PACC1: variants seen among roughly 807,000 people sequenced by gnomAD.
PACC1 encodes proton activated chloride channel 1.
In PACC1, 34 loss-of-function variants were observed where a neutral mutation model predicts 39.7. The observed-to-expected ratio is 0.86, with a 90% CI of 0.65 to 1.14. The LOEUF (loss-of-function observed/expected upper bound fraction) is 1.14. Among genes scored for constraint, PACC1 ranks in the 50% most tolerant of loss-of-function variants. The pLI is 0.00. For missense variants in PACC1, 379 were observed against 436.4 expected, an observed-to-expected ratio of 0.87 and a Z score of 1.17; for synonymous variants, 127 against 160.6, an observed-to-expected ratio of 0.79 and a Z score of 1.58.
chr1:212,393,175 C>T (rs1026595167), intron 2 of PACC1, among the ~76,000 whole-genome samples: 8 of 152,162 alleles, frequency 5.3e-5, no homozygotes, highest in Admixed American at 2.6e-4. Context: ...AAATTGACCA[C>T]ATAGTTGGAA....
chr1:212,414,635 C>T, intron 1 of PACC1, 87 bp downstream of exon 1: 1 of 1,528,860 alleles, frequency 6.5e-7, no homozygotes. Flanking sequence ...CGCGCAGCCC[C>T]GACACCCCCC....
Position 212,410,512 on chromosome 1 carries a change from C to T in PACC1, c.46G>A (p.Glu16Lys), listed in dbSNP as rs1406845234. Residue 16 changes from glutamate to lysine, a missense_variant, in exon 2 of 8, where the codon GAG becomes AAG. Coordinates refer to ENST00000261455, the MANE Select transcript of PACC1 (RefSeq NM_018252.3). ...GAGTTCTCAACCACCTGGACCAACTCCTCACTCAGCTAAAGGGAGAAGCAA... is the reference window on the plus strand; with the variant it reads ...GAGTTCTCAACCACCTGGACCAACTTCTCACTCAGCTAAAGGGAGAAGCAA... ...RSTSYQELSE[E>K]LVQVVENSEL... is the part of the protein sequence containing the mutation. The T allele has an allele frequency of 1.2e-6, 2 of 1,614,132 alleles. No individual in the cohort carries two copies. Among genetic ancestry groups the T allele is most frequent in the Non-Finnish European group, 1.7e-6 (2 of 1,179,962 alleles).
At chr1:212,399,595 G>A (rs1389783683) in intron 2 of PACC1, among the ~76,000 whole-genome samples, 5 of 152,106 alleles carry the variant, frequency 3.3e-5, no homozygotes, top group South Asian at 2.1e-4. Flanking sequence ...AGGCTGGAGC[G>A]CAGTGGCATG....
intron 7 of PACC1, among the ~76,000 whole-genome samples, chr1:212,368,468 G>T (rs2102463988): frequency 6.6e-6 from 1 of 151,930 alleles, no homozygotes; most frequent in South Asian, 2.1e-4. Flanking sequence ...GGAAACTCCA[G>T]GAACTTCAAT....
At position 212,401,622 on chromosome 1, in the gene PACC1, CAAAAAAA is replaced by C. The variant is rs770201392; in HGVS notation, c.133+8796_133+8802del. 4.2e-4 allele frequency among the ~76,000 whole-genome samples: 19 copies of C among 44,918 alleles called. No homozygotes were observed. In the Admixed American group the frequency reaches 5.0e-3, roughly 12 times the overall value. 29.5% of individuals were successfully genotyped at this position (44,918 alleles called of 152,430 possible). ...GCCTGGGCAACAGAGACTCTTGTCT[CAAAAAAA>C]AAAAAAAAAAAAAAAATTTATCCAA... is the stretch of plus-strand genomic sequence containing the variant. On this transcript the variant is annotated intron_variant, in intron 2 of 7. Coordinates refer to ENST00000261455, the MANE Select transcript of PACC1 (RefSeq NM_018252.3).
At position 212,365,191 on chromosome 1, in the gene PACC1, T is replaced by G. The variant is rs1050752074; in HGVS notation, c.*24A>C. ...TGACAGCTCCCATTGATGTGGACAG[T>G]TCTCTAAACAACGCGAGGTGACTTC... On this transcript the variant is annotated 3_prime_UTR_variant, in exon 8 of 8. Coordinates refer to ENST00000261455, the MANE Select transcript of PACC1 (RefSeq NM_018252.3). 3.1e-6 allele frequency: 5 copies of G among 1,608,938 alleles called. No homozygotes were observed. The highest frequency in any genetic ancestry group is 4.5e-5 in the East Asian group (2 of 44,786).
intron 2 of PACC1, among the ~76,000 whole-genome samples, chr1:212,405,177 G>C (rs903759636): frequency 3.2e-4 from 48 of 152,064 alleles, no homozygotes; most frequent in African/African-American, 1.1e-3. Context: ...TCCTAGATGA[G>C]AGGCTCTCTT....
rs114105808 is a variant in PACC1 at position 212,405,134 on chromosome 1, C to T, written c.133+5291G>A. Among the ~76,000 whole-genome samples the T allele has an allele frequency of 6.3e-3, 966 of 152,204 alleles. 11 individuals are homozygous for T. The highest frequency in any genetic ancestry group is 0.031 in the Middle Eastern group (9 of 294). On this transcript the variant is annotated intron_variant, in intron 2 of 7. Transcript: ENST00000261455. ...GCACCTGACTCTACCATTTCTTTGG[C>T]CCTCATTCATTCATTCCAGTTAGCT...
chr1:212,412,564 AG>A (rs1662175646), intron 1 of PACC1, among the ~76,000 whole-genome samples: 2 of 152,232 alleles, frequency 1.3e-5, no homozygotes, highest in Non-Finnish European at 2.9e-5. Context: ...AGTGAGAGAC[AG>A]GGACTCCAGA....
chr1:212,390,655 C>T (rs973944639), intron 2 of PACC1, among the ~76,000 whole-genome samples: 35 of 151,392 alleles, frequency 2.3e-4, no homozygotes, highest in Admixed American at 6.6e-4. Flanking sequence ...TCGCCTCACC[C>T]GGGAAGCAGA....
intron 2 of PACC1, among the ~76,000 whole-genome samples, chr1:212,401,354 G>A (rs1012375336): frequency 6.6e-5 from 10 of 152,022 alleles, no homozygotes; most frequent in East Asian, 1.9e-4. Context: ...AGCTAGGCGC[G>A]GTGGCTCACA....
At chr1:212,380,667 C>T (rs770782271) in intron 4 of PACC1, among the ~76,000 whole-genome samples, 121 of 152,254 alleles carry the variant, frequency 7.9e-4, no homozygotes, top group Non-Finnish European at 1.3e-3. Flanking sequence ...TACTAAATTC[C>T]ATGCAGAACC....
At chr1:212,408,068 CA>C (rs1235923494) in intron 2 of PACC1, among the ~76,000 whole-genome samples, 4 of 132,422 alleles carry the variant, frequency 3.0e-5, no homozygotes, top group Non-Finnish European at 6.3e-5. Flanking sequence ...AGTGAGACTC[CA>C]TCTCAAAAAA....
intron 2 of PACC1, among the ~76,000 whole-genome samples, chr1:212,407,637 AGT>A (rs1661967486): frequency 6.6e-6 from 1 of 151,824 alleles, no homozygotes; most frequent in Non-Finnish European, 1.5e-5. Flanking sequence ...GTTTTGTGTG[AGT>A]GTTTTTGGTT....
intron 2 of PACC1, among the ~76,000 whole-genome samples, chr1:212,405,942 G>A (rs1336470427): frequency 1.3e-5 from 2 of 151,868 alleles, no homozygotes; most frequent in African/African-American, 4.8e-5. Flanking sequence ...AGGAGTTTGA[G>A]ACCAGCCTGG....
chr1:212,382,264 C>T (rs550259464), intron 4 of PACC1, among the ~76,000 whole-genome samples: 10 of 152,088 alleles, frequency 6.6e-5, no homozygotes, highest in Admixed American at 3.9e-4. Context: ...AGGATGGTCT[C>T]GATCTCCTGA....
intron 7 of PACC1, among the ~76,000 whole-genome samples, chr1:212,374,549 A>C (rs1660578750): frequency 6.6e-6 from 1 of 152,228 alleles, no homozygotes; most frequent in African/African-American, 2.4e-5. Context: ...AGCTAGAAGA[A>C]TGTTCCCAAT....
rs1422789254 is a variant in PACC1 at position 212,406,219 on chromosome 1, T to C, written c.133+4206A>G. On this transcript the variant is annotated intron_variant, in intron 2 of 7. Transcript: ENST00000261455. ...ATTACCATTATTTTTATTATTATTATTAGAAGACTCAAAGGGGCCAAGCAT... is the reference window on the plus strand; with the variant it reads ...ATTACCATTATTTTTATTATTATTACTAGAAGACTCAAAGGGGCCAAGCAT... Among the ~76,000 whole-genome samples the C allele has an allele frequency of 2.0e-4, 30 of 150,960 alleles. 1 individual carries two copies. The highest frequency in any genetic ancestry group is 2.9e-5 in the Non-Finnish European group (2 of 67,850).
chr1:212,385,511 A>C (rs1661069378), intron 3 of PACC1, 86 bp from the exon 4 acceptor site: 5 of 1,388,558 alleles, frequency 3.6e-6, no homozygotes, highest in Non-Finnish European at 5.1e-6. Context: ...CCAACAACCT[A>C]CGTTCTGGAC....
Sources: gnomAD v4.1 joint callset for allele counts (sites outside exome capture counted in the v4.1 genomes callset) on GRCh38, gnomAD v4.1.1 for gene constraint, MANE v1.5 for transcripts, NCBI Gene and HGNC (gene_info 2026-07-23, HGNC 2026-07-21) for gene names.